The following TFEC variants were observed in gnomAD, a reference collection of about 807,000 sequenced individuals.
TFEC encodes transcription factor EC.
Under a neutral mutation model 41.6 loss-of-function variants are expected in TFEC, and 31 were observed. The observed-to-expected ratio is 0.74, with a 90% CI of 0.56 to 1.01. TFEC has a LOEUF of 1.01. TFEC is among the 50% of genes least tolerant of loss of function. The pLI, the probability that TFEC is intolerant of heterozygous loss-of-function variation, is 0.00. For missense variants in TFEC, 402 were observed against 404.1 expected (o/e 0.99, Z 0.04); for synonymous variants, 143 against 140.6 (o/e 1.02, Z -0.12).
chr7:116,097,270 A>G (rs1797487498), intron 3 of TFEC, among the ~76,000 whole-genome samples: 1 of 152,162 alleles, frequency 6.6e-6, no homozygotes, highest in Non-Finnish European at 1.5e-5. Context: ...ATGGGAGGAT[A>G]TGTTCTAAGA....
chr7:115,942,570 C>T (rs1793559751), intron 6 of TFEC, among the ~76,000 whole-genome samples: 3 of 152,012 alleles, frequency 2.0e-5, no homozygotes. Context: ...CTGGCAACAT[C>T]ACTTTATGTA....
rs146870613 is a variant in TFEC, at chr7:115,965,123, G to A, written c.268-8330C>T. Among the ~76,000 whole-genome samples the A allele has an allele frequency of 2.3e-3, 342 of 151,716 alleles. 1 individual carries two copies. Among genetic ancestry groups the A allele is most frequent in the African/African-American group, 7.0e-3 (290 of 41,476 alleles). On this transcript the variant is annotated intron_variant, in intron 3 of 7. Transcript: ENST00000265440. ...TTACATTAATTAAGTTTTAACTGAC[G>A]TTGATATGAAAGTAATTCTACACAT...
intron 3 of TFEC, among the ~76,000 whole-genome samples, chr7:116,081,057 T>C (rs1797078768): frequency 6.6e-6 from 1 of 150,812 alleles, no homozygotes; most frequent in South Asian, 2.1e-4. Flanking sequence ...TAAAAATGAA[T>C]GAAATAATGT....
intron 1 of TFEC, among the ~76,000 whole-genome samples, chr7:116,121,046 T>C (rs1417947108): frequency 6.6e-6 from 1 of 151,916 alleles, no homozygotes. Flanking sequence ...CTCTTCTAAG[T>C]ATACACCCAA....
intron 1 of TFEC, among the ~76,000 whole-genome samples, chr7:116,135,776 AG>A (rs1239208533): frequency 1.3e-5 from 2 of 152,136 alleles, no homozygotes; most frequent in Non-Finnish European, 2.9e-5. Flanking sequence ...AACCATTAAA[AG>A]GGTATTACCA....
intron 3 of TFEC, among the ~76,000 whole-genome samples, chr7:116,107,235 G>A (rs962808668): frequency 6.6e-6 from 1 of 152,094 alleles, no homozygotes; most frequent in African/African-American, 2.4e-5. Flanking sequence ...GGCCATGTCT[G>A]TACAACCCCT....
chr7:116,097,885 A>C (rs559938655), intron 3 of TFEC, among the ~76,000 whole-genome samples: 8 of 152,358 alleles, frequency 5.3e-5, no homozygotes, highest in African/African-American at 1.9e-4. Flanking sequence ...TGAAACTCTG[A>C]AAAATGTTTA....
intron 5 of TFEC, among the ~76,000 whole-genome samples, chr7:115,952,783 A>G (rs1301816347): frequency 5.3e-5 from 8 of 152,078 alleles, no homozygotes; most frequent in Non-Finnish European, 8.8e-5. Flanking sequence ...TATTCACTTA[A>G]TCCTGTACTT....
chr7:116,108,773 CTG>C (rs1303237263), intron 3 of TFEC, among the ~76,000 whole-genome samples: 6 of 152,166 alleles, frequency 3.9e-5, no homozygotes, highest in African/African-American at 1.4e-4. Context: ...CCTACACACA[CTG>C]TGATAGACCC....
At chr7:115,964,831 C>T (rs1584600263) in intron 3 of TFEC, among the ~76,000 whole-genome samples, 1 of 151,554 alleles carries the variant, frequency 6.6e-6, no homozygotes, top group African/African-American at 2.4e-5. Context: ...TCTATCTCTT[C>T]ATACAGAATA....
chr7:116,027,315 G>A (rs1230192134), intron 1 of TFEC, among the ~76,000 whole-genome samples: 1 of 152,102 alleles, frequency 6.6e-6, no homozygotes, highest in Non-Finnish European at 1.5e-5. Flanking sequence ...GCAGGGTGTG[G>A]TTGCTCATGC....
chr7:116,006,852 T>C (rs189390083), intron 1 of TFEC, among the ~76,000 whole-genome samples: 202 of 152,236 alleles, frequency 1.3e-3, no homozygotes, highest in Non-Finnish European at 2.2e-3. Context: ...GTCTTTCCTA[T>C]GCTGTTCTCA....
chr7:116,156,889 C>T (rs1207920726), intron 1 of TFEC, among the ~76,000 whole-genome samples: 1 of 152,140 alleles, frequency 6.6e-6, no homozygotes, highest in Non-Finnish European at 1.5e-5. Flanking sequence ...TAATTCTGTT[C>T]CACATATACA....
chr7:116,152,845 C>G (rs1249025299), intron 1 of TFEC, among the ~76,000 whole-genome samples: 2 of 151,928 alleles, frequency 1.3e-5, no homozygotes, highest in African/African-American at 4.8e-5. Context: ...GATATCCAAG[C>G]AAAAATTATT....
intron 1 of TFEC, chr7:116,120,125 T>C (rs996452037): frequency 6.6e-6 from 1 of 151,860 alleles, no homozygotes; most frequent in African/African-American, 2.4e-5. Flanking sequence ...CTTACATTTG[T>C]TGGTGGAGAA....
intron 3 of TFEC, among the ~76,000 whole-genome samples, chr7:116,105,197 GAGAA>G (rs1482180787): frequency 2.0e-5 from 3 of 152,116 alleles, no homozygotes; most frequent in Non-Finnish European, 4.4e-5. Context: ...ATAGAAAGAG[GAGAA>G]AGAGAGACCA....
intron 1 of TFEC, among the ~76,000 whole-genome samples, chr7:116,002,034 G>A (rs567756629): frequency 3.9e-5 from 6 of 152,292 alleles, no homozygotes; most frequent in African/African-American, 1.4e-4. Flanking sequence ...AACAAATGCT[G>A]GTGAGAATGT....
At chr7:116,028,783 C>T (rs1795679903) in intron 1 of TFEC, among the ~76,000 whole-genome samples, 1 of 152,214 alleles carries the variant, frequency 6.6e-6, no homozygotes, top group South Asian at 2.1e-4. Flanking sequence ...ATATCAACAG[C>T]CATAATGATT....
chr7:116,091,512 A>G (rs1049958374), intron 3 of TFEC, among the ~76,000 whole-genome samples: 1 of 152,140 alleles, frequency 6.6e-6, no homozygotes, highest in Non-Finnish European at 1.5e-5. Flanking sequence ...GCAATTCATA[A>G]ACATCTGTAA....
Sources: allele counts gnomAD v4.1 joint callset (sites outside exome capture counted in the v4.1 genomes callset), GRCh38; gene constraint gnomAD v4.1.1; transcripts MANE v1.5; gene names NCBI Gene and HGNC (gene_info 2026-07-23, HGNC 2026-07-21).